BARHL2: variants seen among roughly 807,000 people sequenced by gnomAD.
The protein encoded by BARHL2 is barH-like 2 homeobox protein.
BARHL2 carries 10 observed loss-of-function variants against 27.1 expected under a neutral mutation model. The observed-to-expected ratio is 0.37, with a 90% CI of 0.23 to 0.63. The LOEUF (loss-of-function observed/expected upper bound fraction) is 0.63. Among genes scored for constraint, BARHL2 ranks in the 20% least tolerant of loss-of-function variants. The pLI is 0.65. For missense variants in BARHL2, 483 were observed against 533.5 expected (o/e 0.91, Z 0.93); for synonymous variants, 248 against 224.7 (o/e 1.10, Z -0.93).
At chr1:90,712,694 T>C (rs1658062152) in intron 2 of BARHL2, 70 bp from the exon 3 acceptor site, 2 of 1,439,580 alleles carry the variant, frequency 1.4e-6, no homozygotes, top group Admixed American at 4.8e-5. Flanking sequence ...CCCGGCCCCT[T>C]CTCTGGCCCC....
chr1:90,716,333 A>G (rs1658143368), intron 1 of BARHL2, among the ~76,000 whole-genome samples: 1 of 152,204 alleles, frequency 6.6e-6, no homozygotes, highest in Non-Finnish European at 1.5e-5. Context: ...ATTAAATAAA[A>G]CAAAGGAAGG....
chr1:90,716,478 G>C (rs1454420678), intron 1 of BARHL2, 93 bp downstream of exon 1: 1 of 1,357,992 alleles, frequency 7.4e-7, no homozygotes, highest in Admixed American at 1.8e-5. Context: ...TCCTGGAATC[G>C]CTCCCCAGCA....
At chr1:90,712,915 C>T (rs1284940133) in intron 2 of BARHL2, among the ~76,000 whole-genome samples, 2 of 152,200 alleles carry the variant, frequency 1.3e-5, no homozygotes, top group African/African-American at 2.4e-5. Flanking sequence ...GCTCTGCTGT[C>T]GCCCCCCTTG....
At chr1:90,715,705 T>A (rs1008390204) in intron 1 of BARHL2, among the ~76,000 whole-genome samples, 1 of 152,118 alleles carries the variant, frequency 6.6e-6, no homozygotes, top group Admixed American at 6.5e-5. Flanking sequence ...TAATAAACAA[T>A]GTGTCTGTAA....
Position 90,712,343 on chromosome 1 carries a change from C to A in BARHL2, c.1133G>T (p.Ser378Ile). Reference sequence around the variant, plus strand: ...GGGGTGTGGGGTGCCTGGGATGGGGCTGGACAATGGATTAAGGGCTGGCTG... The same window carrying A: ...GGGGTGTGGGGTGCCTGGGATGGGGATGGACAATGGATTAAGGGCTGGCTG... ...GGQPALNPLS[S>I]PIPGTPHPR The change falls in exon 3 of 3, where the codon AGC becomes ATC. Residue 378 changes from serine (S) to isoleucine (I), a missense_variant. Around this residue, in one of 3 missense-constraint regions of BARHL2, gnomAD observed 130 missense variants for 138.0 expected, o/e 0.94. Transcript: ENST00000370445. The A allele has an allele frequency of 2.6e-6, 4 of 1,516,746 alleles. No homozygotes were observed. Among genetic ancestry groups the A allele is most frequent in the Non-Finnish European group, 2.7e-6 (3 of 1,126,510 alleles). The allele number at this position is 1,516,746 out of a possible 1,614,324, so 94.0% of individuals were successfully genotyped here. A position where few individuals can be genotyped will look rare whatever the true frequency, so the allele number is the denominator to read the frequency against.
intron 1 of BARHL2, among the ~76,000 whole-genome samples, chr1:90,715,355 C>A (rs1658123381): frequency 6.6e-6 from 1 of 152,146 alleles, no homozygotes; most frequent in African/African-American, 2.4e-5. Flanking sequence ...CACCCAGACA[C>A]CGAGTTGAGC....
Position 90,716,920 on chromosome 1 carries a change from C to T in BARHL2, c.276G>A (p.Gln92=). ...GGGCCGCGGCCGGCGGCGGCGGCTGCTGGCTGTGGTGGAGGTGGTGATGAT... is the reference window on the plus strand; with the variant it reads ...GGGCCGCGGCCGGCGGCGGCGGCTGTTGGCTGTGGTGGAGGTGGTGATGAT... ...TQHHHHLHHS[Q]QPPPPAAAPT... is the part of the protein sequence containing the mutation. The change falls in exon 1 of 3, where the codon CAG becomes CAA. Residue 92 remains glutamine (Q), a synonymous_variant. Transcript: ENST00000370445. 6.2e-7 allele frequency: 1 copy of T among 1,607,450 alleles called. No individual in the cohort carries two copies. The highest frequency in any genetic ancestry group is 8.5e-7 in the Non-Finnish European group (1 of 1,178,138).
At position 90,712,420 on chromosome 1, in the gene BARHL2, C is replaced by A; in HGVS notation, c.1056G>T (p.Leu352=). Residue 352 remains leucine, a synonymous_variant, in exon 3 of 3, where the codon CTG becomes CTT. Transcript: ENST00000370445. ...GCACACGGGGCACCAGGGGCCGCTG[C>A]AGCTGGGGATGGGGTGCTGGAGGAG... ...YRTPPAPHPQ[L]QRPLVPRVLI... is the part of the protein sequence containing the mutation. 1 of 1,608,468 alleles carries A rather than the reference C, an allele frequency of 6.2e-7. No homozygotes were observed. Among genetic ancestry groups the A allele is most frequent in the South Asian group, 1.1e-5 (1 of 90,270 alleles).
At chr1:90,716,509 G>A in intron 1 of BARHL2, 62 bp downstream of exon 1, 1 of 1,537,658 alleles carries the variant, frequency 6.5e-7, no homozygotes, top group South Asian at 1.1e-5. Context: ...GAAGGCTGAA[G>A]GGGAGATTGG....
In BARHL2 at chr1:90,714,526, C is replaced by T; in HGVS notation, c.851+5G>A. ...ACCTTTGCTCCCCCAAAGTGCCTCC[C>T]TTACCTGCGGTTCTGGTACCAGGTC... is the stretch of plus-strand genomic sequence containing the variant. On this transcript the variant is annotated splice_donor_5th_base_variant and intron_variant, in intron 2 of 2. Transcript: ENST00000370445. 6.2e-7 allele frequency: 1 copy of T among 1,614,064 alleles called. No homozygotes were observed. Among genetic ancestry groups the T allele is most frequent in the Non-Finnish European group, 8.5e-7 (1 of 1,179,920 alleles).
At chr1:90,716,535 G>A in intron 1 of BARHL2, 36 bp downstream of exon 1, 1 of 1,603,772 alleles carries the variant, frequency 6.2e-7, no homozygotes, top group Non-Finnish European at 8.5e-7. Flanking sequence ...AGGAGGACAA[G>A]CTAGACGGCC....
rs373077296 is a variant in BARHL2, at chr1:90,716,477, C to G, written c.625+94G>C. ...CAGTCGCCCGAGAAGCTCCTGGAAT[C>G]GCTCCCCAGCAGAGATCTGCTGAAG... is the stretch of plus-strand genomic sequence containing the variant. On this transcript the variant is annotated intron_variant, in intron 1 of 2. Coordinates refer to ENST00000370445, the MANE Select transcript of BARHL2 (RefSeq NM_020063.2). 12 of 1,351,864 alleles carry G rather than the reference C, an allele frequency of 8.9e-6. No individual in the cohort carries two copies. In the East Asian group the frequency reaches 2.5e-4, roughly 28 times the overall value. The allele number at this position is 1,351,864 out of a possible 1,614,324, so 83.7% of individuals were successfully genotyped here.
In BARHL2 at chr1:90,717,058, C is replaced by T; in HGVS notation, c.138G>A (p.Gln46=). The T allele has an allele frequency of 6.2e-7, 1 of 1,613,958 alleles. No homozygotes were observed. Residue 46 remains glutamine, a synonymous_variant, in exon 1 of 3, where the codon CAG becomes CAA. Transcript: ENST00000370445. ...GEARTADFRS[Q]ATPSPCSEID... ...TCTCCGAACAGGGAGATGGGGTGGC[C>T]TGACTCCTAAAATCCGCGGTCCTGG...
chr1:90,716,695 G>C lies in BARHL2; in HGVS notation c.501C>G (p.Pro167=). ...TGCTCTCCTGCTTCGGGGTGTGGTG[G>C]GGAGAGGATACGCTGGTGCTGTAGG... ...CAPYSTSVSS[P]HHTPKQESNA... is the part of the protein sequence containing the mutation. Residue 167 remains proline, a synonymous_variant, in exon 1 of 3, where the codon CCC becomes CCG. Transcript: ENST00000370445. 1 of 1,612,464 alleles carries C rather than the reference G, an allele frequency of 6.2e-7. No homozygotes were observed. Among genetic ancestry groups the C allele is most frequent in the East Asian group, 2.2e-5 (1 of 44,806 alleles).
In BARHL2 at chr1:90,716,727, A is replaced by C; in HGVS notation, c.469T>G (p.Cys157Gly). 6.2e-7 allele frequency: 1 copy of C among 1,606,406 alleles called. No individual in the cohort carries two copies. Among genetic ancestry groups the C allele is most frequent in the Non-Finnish European group, 8.5e-7 (1 of 1,176,106 alleles). Residue 157 changes from cysteine (C) to glycine (G), a missense_variant, in exon 1 of 3, where the codon TGT becomes GGT. By Grantham distance (159) the Cys-to-Gly change is radical. Transcript: ENST00000370445. ...ILGDSKPLAA[C>G]APYSTSVSSP... is the part of the protein sequence containing the mutation. ...GATACGCTGGTGCTGTAGGGTGCAC[A>C]TGCCGCCAGAGGTTTGCTGTCGCCC...
chr1:90,714,519 TG>T lies in BARHL2; in HGVS notation c.851+11del. 6.2e-7 allele frequency: 1 copy of T among 1,613,396 alleles called. No individual in the cohort carries two copies. The highest frequency in any genetic ancestry group is 8.5e-7 in the Non-Finnish European group (1 of 1,179,338). On this transcript the variant is annotated intron_variant, in intron 2 of 2. Transcript: ENST00000370445. ...GCCAGACACCTTTGCTCCCCCAAAGTGCCTCCCTTACCTGCGGTTCTGGTAC... is the reference window on the plus strand; with the variant it reads ...GCCAGACACCTTTGCTCCCCCAAAGTCCTCCCTTACCTGCGGTTCTGGTAC...
At position 90,714,718 on chromosome 1, in the gene BARHL2, G is replaced by C. The variant is rs776330330; in HGVS notation, c.664C>G (p.Arg222Gly). 6.2e-7 allele frequency: 1 copy of C among 1,614,142 alleles called. No individual in the cohort carries two copies. The highest frequency in any genetic ancestry group is 8.5e-7 in the Non-Finnish European group (1 of 1,180,014). Residue 222 changes from arginine (R) to glycine (G), a missense_variant, in exon 2 of 3, where the codon CGT (arginine) becomes GGT (glycine). By Grantham distance (125) the Arg-to-Gly change is moderately radical. Transcript: ENST00000370445. ...EEGDREITSS[R>G]ESPPVRAKKP... ...TTGGCTCTCACAGGGGGACTCTCAC[G>C]GCTACTCGTAATCTCCCGGTCTCCT...
Position 90,717,236 on chromosome 1 carries a change from C to G in BARHL2, c.-41G>C. 1 of 1,578,028 alleles carries G rather than the reference C, an allele frequency of 6.3e-7. No individual in the cohort carries two copies. The highest frequency in any genetic ancestry group is 8.6e-7 in the Non-Finnish European group (1 of 1,169,156). On this transcript the variant is annotated 5_prime_UTR_variant, in exon 1 of 3. Transcript: ENST00000370445. ...ACGCCACTCCGCCGTTCAGCAGCCG[C>G]CCCGAACCAGCGAAGAAAGCTATCG...
chr1:90,712,403 G>T lies in BARHL2; in HGVS notation c.1073C>A (p.Pro358His), dbSNP rs1370517081. ...CCCTAGGCCGTGGATGAGCACACGG[G>T]GCACCAGGGGCCGCTGCAGCTGGGG... Reference protein sequence around the residue: ...PHPQLQRPLVPRVLIHGLGPG... With the variant: ...PHPQLQRPLVHRVLIHGLGPG... Residue 358 changes from proline to histidine, a missense_variant, in exon 3 of 3, where the codon CCC becomes CAC. Physicochemically the swap from Pro to His is moderately conservative, Grantham distance 77. Coordinates refer to ENST00000370445, the MANE Select transcript of BARHL2 (RefSeq NM_020063.2). 2 of 1,600,728 alleles carry T rather than the reference G, an allele frequency of 1.2e-6. No homozygotes were observed. Among genetic ancestry groups the T allele is most frequent in the Non-Finnish European group, 1.7e-6 (2 of 1,173,212 alleles).
Sources: gnomAD v4.1 joint callset for allele counts (sites outside exome capture counted in the v4.1 genomes callset) on GRCh38, gnomAD v4.1.1 for gene constraint, gnomAD v4.1.1 regional missense constraint, MANE v1.5 for transcripts, NCBI Gene and HGNC (gene_info 2026-07-23, HGNC 2026-07-21) for gene names.